The following EPHA5 variants were observed in gnomAD, a reference collection of about 807,000 sequenced individuals.
EPHA5 encodes ephrin type-A receptor 5.
A neutral mutation model predicts 105.0 loss-of-function variants in EPHA5; 60 were observed. That is an observed-to-expected ratio of 0.57 (90% CI 0.46 to 0.71). The LOEUF is 0.71. EPHA5 is among the 30% of genes least tolerant of loss of function. The pLI is 0.00. For missense variants in EPHA5, 1,218 were observed against 1,274.7 expected (o/e 0.96, Z 0.68); for synonymous variants, 513 against 449.1 (o/e 1.14, Z -1.80).
At chr4:65,366,820 A>T (rs1182367041) in intron 9 of EPHA5, among the ~76,000 whole-genome samples, 1 of 151,956 alleles carries the variant, frequency 6.6e-6, no homozygotes, top group African/African-American at 2.4e-5. Context: ...AAAATATCAA[A>T]ATTCAACTCA....
rs947608234 is a variant in EPHA5 at position 65,670,023 on chromosome 4, C to T, written c.-281G>A. 2 of 402,702 alleles carry T rather than the reference C, an allele frequency of 5.0e-6. No homozygotes were observed. The allele number at this position is 402,702 out of a possible 1,614,324, so 24.9% of individuals were successfully genotyped here. A position where few individuals can be genotyped will look rare whatever the true frequency, so the allele number is the denominator to read the frequency against. The stretch of plus-strand genomic sequence containing the variant: ...CTCGGATCAAGGGTGTCGAGAGGGT[C>T]CTGGGTCCTGTTCCTTTGCCTTTCA... On this transcript the variant is annotated 5_prime_UTR_variant, in exon 1 of 17. Coordinates refer to ENST00000613740, the MANE Select transcript of EPHA5 (RefSeq NM_001281766.3).
chr4:65,501,885 G>A (rs1181788799), intron 3 of EPHA5, among the ~76,000 whole-genome samples: 1 of 151,648 alleles, frequency 6.6e-6, no homozygotes, highest in Non-Finnish European at 1.5e-5. Context: ...AAATAGCACG[G>A]TACTGGTAGA....
chr4:65,448,144 G>A (rs1305957568), intron 5 of EPHA5, among the ~76,000 whole-genome samples: 1 of 151,308 alleles, frequency 6.6e-6, no homozygotes, highest in Non-Finnish European at 1.5e-5. Context: ...GTAAGATGAT[G>A]TATAAACTGT....
chr4:65,465,488 A>T (rs1728560437), intron 5 of EPHA5, among the ~76,000 whole-genome samples: 1 of 109,028 alleles, frequency 9.2e-6, no homozygotes, highest in African/African-American at 3.1e-5. Context: ...AGAAAGAAAG[A>T]AAGAAAGAAA....
intron 14 of EPHA5, among the ~76,000 whole-genome samples, chr4:65,346,224 T>G (rs1722214386): frequency 6.6e-6 from 1 of 152,096 alleles, no homozygotes; most frequent in South Asian, 2.1e-4. Context: ...TCTTAATGCT[T>G]TATTAAGTCT....
chr4:65,451,015 A>G (rs1727013845), intron 5 of EPHA5, among the ~76,000 whole-genome samples: 1 of 152,138 alleles, frequency 6.6e-6, no homozygotes, highest in Non-Finnish European at 1.5e-5. Flanking sequence ...GAACTTGAAC[A>G]GGAAAACCTT....
chr4:65,355,149 C>G (rs898463404), intron 11 of EPHA5, among the ~76,000 whole-genome samples: 5 of 151,544 alleles, frequency 3.3e-5, no homozygotes, highest in Non-Finnish European at 5.9e-5. Flanking sequence ...AGAGGTGGCA[C>G]ATGTCTATGC....
rs184892994 is a variant in EPHA5, at chr4:65,418,073, C to A, written c.1527+2368G>T. On this transcript the variant is annotated intron_variant, in intron 6 of 16. Coordinates refer to ENST00000613740, the MANE Select transcript of EPHA5 (RefSeq NM_001281766.3). ...GTCTCCCAGCTATTAACCCTTATTGCATCTCAGATAGTCAAATATACAGTT... is the reference window on the plus strand; with the variant it reads ...GTCTCCCAGCTATTAACCCTTATTGAATCTCAGATAGTCAAATATACAGTT... 5.5e-3 allele frequency among the ~76,000 whole-genome samples: 843 copies of A among 152,182 alleles called. 14 individuals are homozygous for A. The highest frequency in any genetic ancestry group is 0.02 in the African/African-American group (814 of 41,534).
At chr4:65,493,980 G>A (rs934664564) in intron 4 of EPHA5, among the ~76,000 whole-genome samples, 1 of 152,086 alleles carries the variant, frequency 6.6e-6, no homozygotes, top group Non-Finnish European at 1.5e-5. Flanking sequence ...GCATTCATTT[G>A]CTCTCATAAG....
At chr4:65,539,462 G>T (rs1736611852) in intron 3 of EPHA5, among the ~76,000 whole-genome samples, 1 of 151,420 alleles carries the variant, frequency 6.6e-6, no homozygotes, top group Non-Finnish European at 1.5e-5. Flanking sequence ...TTTTAAGCAG[G>T]TGTGAAATAG....
At chr4:65,371,332 A>G (rs544323999) in intron 8 of EPHA5, among the ~76,000 whole-genome samples, 1 of 152,016 alleles carries the variant, frequency 6.6e-6, no homozygotes, top group African/African-American at 2.4e-5. Flanking sequence ...TATTTATTTA[A>G]AAGTCCTAGA....
intron 2 of EPHA5, among the ~76,000 whole-genome samples, chr4:65,615,128 A>G (rs900916613): frequency 6.6e-6 from 1 of 151,872 alleles, no homozygotes; most frequent in Non-Finnish European, 1.5e-5. Flanking sequence ...AATACACTAA[A>G]TTCATTATCA....
At chr4:65,461,942 A>T (rs75061654) in intron 5 of EPHA5, among the ~76,000 whole-genome samples, 5,592 of 152,188 alleles carry the variant, frequency 0.037, 126 homozygotes, top group Admixed American at 0.067. Flanking sequence ...ATTGATATTG[A>T]ATCATTATGC....
intron 3 of EPHA5, among the ~76,000 whole-genome samples, chr4:65,559,014 A>G (rs908115183): frequency 6.6e-6 from 1 of 152,164 alleles, no homozygotes; most frequent in Non-Finnish European, 1.5e-5. Flanking sequence ...CAACATATCC[A>G]TGTAACAAAC....
At chr4:65,354,055 T>C (rs1476555160) in intron 11 of EPHA5, among the ~76,000 whole-genome samples, 1 of 151,796 alleles carries the variant, frequency 6.6e-6, no homozygotes, top group Non-Finnish European at 1.5e-5. Context: ...CCCGGGCAAG[T>C]CAATTCTTAT....
At chr4:65,486,106 G>C (rs1379257550) in intron 5 of EPHA5, among the ~76,000 whole-genome samples, 1 of 152,114 alleles carries the variant, frequency 6.6e-6, no homozygotes, top group Non-Finnish European at 1.5e-5. Context: ...ACACCTCCCA[G>C]AGATTACCTG....
intron 3 of EPHA5, among the ~76,000 whole-genome samples, chr4:65,555,016 C>G (rs921257164): frequency 9.8e-6 from 1 of 101,796 alleles, no homozygotes; most frequent in African/African-American, 3.6e-5. Context: ...AAAAAAAGTA[C>G]ATGTTTTTGT....
At chr4:65,479,242 T>A (rs1054783467) in intron 5 of EPHA5, among the ~76,000 whole-genome samples, 2 of 152,314 alleles carry the variant, frequency 1.3e-5, no homozygotes, top group Admixed American at 6.5e-5. Context: ...ATACCATTTA[T>A]TTCCACTTTA....
chr4:65,655,241 A>G (rs1748952406), intron 1 of EPHA5, among the ~76,000 whole-genome samples: 1 of 152,108 alleles, frequency 6.6e-6, no homozygotes, highest in Admixed American at 6.6e-5. Context: ...GAGTAAATAT[A>G]CACTGTTTTT....
Sources: allele counts gnomAD v4.1 joint callset (sites outside exome capture counted in the v4.1 genomes callset), GRCh38; gene constraint gnomAD v4.1.1; transcripts MANE v1.5; gene names NCBI Gene and HGNC (gene_info 2026-07-23, HGNC 2026-07-21).